The following AMBRA1 variants were observed in gnomAD, a reference collection of about 807,000 sequenced individuals.
The protein encoded by AMBRA1 is autophagy and beclin 1 regulator 1.
Under a neutral mutation model 125.4 loss-of-function variants are expected in AMBRA1, and 47 were observed. That is an observed-to-expected ratio of 0.37 (90% CI 0.30 to 0.48). The LOEUF (loss-of-function observed/expected upper bound fraction) is 0.48, where lower values mean the gene tolerates loss of function less well. Among genes scored for constraint, AMBRA1 ranks in the 20% least tolerant of loss-of-function variants. AMBRA1 has a pLI of 0.99. For missense variants in AMBRA1, 1,331 were observed against 1,693.4 expected (o/e 0.79, Z 3.76); for synonymous variants, 626 against 655.5 (o/e 0.95, Z 0.69).
intron 11 of AMBRA1, among the ~76,000 whole-genome samples, chr11:46,471,549 G>A (rs1286765260): frequency 2.6e-5 from 4 of 151,420 alleles, no homozygotes; most frequent in Non-Finnish European, 5.9e-5. Context: ...CTGCACTCCA[G>A]CCTGGGCAAC....
chr11:46,433,844 G>A (rs187585724), intron 13 of AMBRA1, among the ~76,000 whole-genome samples: 23 of 152,224 alleles, frequency 1.5e-4, no homozygotes, highest in African/African-American at 4.3e-4. Flanking sequence ...GGCTGAACGC[G>A]GTGGCTCATG....
At chr11:46,471,216 C>T (rs543367097) in intron 11 of AMBRA1, among the ~76,000 whole-genome samples, 12 of 151,818 alleles carry the variant, frequency 7.9e-5, no homozygotes, top group East Asian at 5.8e-4. Context: ...CTCGGGCGGG[C>T]GGATCACTTG....
chr11:46,455,388 T>G (rs950971663), intron 11 of AMBRA1, among the ~76,000 whole-genome samples: 1 of 152,242 alleles, frequency 6.6e-6, no homozygotes, highest in African/African-American at 2.4e-5. Flanking sequence ...ATTTGACTAC[T>G]TTAGTTAGCC....
At chr11:46,449,827 A>G (rs1468424080) in intron 11 of AMBRA1, among the ~76,000 whole-genome samples, 1 of 152,150 alleles carries the variant, frequency 6.6e-6, no homozygotes, top group Non-Finnish European at 1.5e-5. Context: ...TTGGGAGGCC[A>G]AGGCAGGTGG....
chr11:46,429,231 C>G (rs140881427), intron 14 of AMBRA1: 22,002 of 1,178,998 alleles, frequency 0.019, 1,118 homozygotes, highest in South Asian at 0.15. Context: ...CCCCCTACCC[C>G]ATAAAATAAG....
chr11:46,505,400 T>C (rs1950995843), intron 9 of AMBRA1, among the ~76,000 whole-genome samples: 1 of 152,032 alleles, frequency 6.6e-6, no homozygotes, highest in Admixed American at 6.5e-5. Context: ...AAACAGTCAG[T>C]TTCAACCAGC....
At chr11:46,543,888 T>C in intron 6 of AMBRA1, 87 bp downstream of exon 6, 2 of 1,129,392 alleles carry the variant, frequency 1.8e-6, no homozygotes, top group Non-Finnish European at 2.6e-6. Context: ...GTATTGAGAA[T>C]TAAAATCCAA....
intron 6 of AMBRA1, among the ~76,000 whole-genome samples, 159 bp downstream of exon 6, chr11:46,543,816 T>C (rs1251457888): frequency 6.6e-6 from 1 of 152,222 alleles, no homozygotes; most frequent in African/African-American, 2.4e-5. Context: ...AGATTATGGC[T>C]ATAACCCTGA....
chr11:46,523,837 A>C (rs1951858271), intron 7 of AMBRA1, among the ~76,000 whole-genome samples: 2 of 152,186 alleles, frequency 1.3e-5, no homozygotes, highest in Non-Finnish European at 2.9e-5. Context: ...GAACCCACTG[A>C]CAGTTCCTTG....
intron 7 of AMBRA1, among the ~76,000 whole-genome samples, chr11:46,525,194 G>T (rs746444104): frequency 6.6e-6 from 1 of 152,198 alleles, no homozygotes; most frequent in Non-Finnish European, 1.5e-5. Flanking sequence ...TCAGCTACTT[G>T]GGAGGCTGAG....
intron 15 of AMBRA1, among the ~76,000 whole-genome samples, chr11:46,415,280 C>T (rs190765766): frequency 3.3e-5 from 5 of 152,358 alleles, no homozygotes; most frequent in Admixed American, 2.6e-4. Context: ...TCTCTCATTT[C>T]CACCTGCATC....
chr11:46,426,874 C>T (rs1290609101), intron 14 of AMBRA1, among the ~76,000 whole-genome samples: 1 of 152,116 alleles, frequency 6.6e-6, no homozygotes, highest in Non-Finnish European at 1.5e-5. Flanking sequence ...ATCCCAATCT[C>T]CCCTTGAAGA....
At chr11:46,405,390 T>C (rs750780673) in intron 17 of AMBRA1, among the ~76,000 whole-genome samples, 15 of 152,130 alleles carry the variant, frequency 9.9e-5, no homozygotes, top group Non-Finnish European at 1.8e-4. Flanking sequence ...ACCAAGTGGC[T>C]GACACATGGT....
At chr11:46,587,405 A>ATTT (rs895987339) in intron 1 of AMBRA1, among the ~76,000 whole-genome samples, 10 of 152,124 alleles carry the variant, frequency 6.6e-5, no homozygotes, top group Non-Finnish European at 1.3e-4. Flanking sequence ...AATTAAACTC[A>ATTT]TTAGTCAAGC....
chr11:46,452,824 A>AAC (rs1300231368), intron 11 of AMBRA1, among the ~76,000 whole-genome samples: 2 of 152,206 alleles, frequency 1.3e-5, no homozygotes, highest in Non-Finnish European at 2.9e-5. Flanking sequence ...CATGCTTAGA[A>AAC]GTGTCCCAAG....
At chr11:46,540,069 T>C (rs932810558) in intron 7 of AMBRA1, among the ~76,000 whole-genome samples, 3 of 152,190 alleles carry the variant, frequency 2.0e-5, no homozygotes, top group African/African-American at 2.4e-5. Context: ...TGACCTTAAG[T>C]GGTCTGCCCG....
chr11:46,402,618 C>T (rs1055328503), intron 17 of AMBRA1, among the ~76,000 whole-genome samples: 1 of 152,150 alleles, frequency 6.6e-6, no homozygotes, highest in Non-Finnish European at 1.5e-5. Context: ...CCTGCCTCAG[C>T]CTCCCAAAGT....
intron 11 of AMBRA1, among the ~76,000 whole-genome samples, chr11:46,459,144 C>G (rs368063703): frequency 6.6e-6 from 1 of 152,244 alleles, no homozygotes; most frequent in Non-Finnish European, 1.5e-5. Context: ...TCTAGATACA[C>G]GGACAGACAG....
chr11:46,407,805 C>CT (rs1197885877), intron 17 of AMBRA1, among the ~76,000 whole-genome samples: 1 of 152,168 alleles, frequency 6.6e-6, no homozygotes, highest in Admixed American at 6.5e-5. Flanking sequence ...GAAAATGTGT[C>CT]TGTTTGGAGG....
Sources: gnomAD v4.1 joint callset for allele counts (sites outside exome capture counted in the v4.1 genomes callset) on GRCh38, gnomAD v4.1.1 for gene constraint, MANE v1.5 for transcripts, NCBI Gene and HGNC (gene_info 2026-07-23, HGNC 2026-07-21) for gene names.